DCTN4: variants seen among roughly 807,000 people sequenced by gnomAD.
The protein encoded by DCTN4 is dynactin subunit 4.
DCTN4 carries 23 observed loss-of-function variants against 62.7 expected under a neutral mutation model. The observed-to-expected ratio is 0.37, with a 90% CI of 0.26 to 0.52. The LOEUF (loss-of-function observed/expected upper bound fraction) is 0.52. DCTN4 is among the 20% of genes least tolerant of loss of function. The probability of loss-of-function intolerance (pLI) is 0.92; values close to 1 mark genes in which losing one functional copy is unlikely to be tolerated. For missense variants in DCTN4, 514 were observed against 580.4 expected, an observed-to-expected ratio of 0.89 and a Z score of 1.18; for synonymous variants, 199 against 202.1, an observed-to-expected ratio of 0.98 and a Z score of 0.13.
rs763778489 is a variant in DCTN4 at position 150,711,203 on chromosome 5, T to G, written c.1329A>C (p.Glu443Asp). ...RPIEESDQGT[E>D]VIWLTQHVEL... ...CCACATGCTGGGTGAGCCAGATGAC[T>G]TCTGTTCCCTGGTCACTTTCTTCAA... Residue 443 changes from glutamate to aspartate, a missense_variant, in exon 13 of 13, where the codon GAA becomes GAC. By Grantham distance (45) the Glu-to-Asp change is conservative (BLOSUM62 2). Transcript: ENST00000447998. 6.2e-7 allele frequency: 1 copy of G among 1,612,576 alleles called. No individual in the cohort carries two copies. The highest frequency in any genetic ancestry group is 8.5e-7 in the Non-Finnish European group (1 of 1,180,032).
chr5:150,750,957 T>A (rs1287966880), intron 3 of DCTN4, among the ~76,000 whole-genome samples: 1 of 152,178 alleles, frequency 6.6e-6, no homozygotes, highest in Non-Finnish European at 1.5e-5. Context: ...CATTGTATCC[T>A]CTTGCAAGAA....
chr5:150,757,474 A>G (rs926687189), intron 1 of DCTN4, among the ~76,000 whole-genome samples: 5 of 152,166 alleles, frequency 3.3e-5, no homozygotes, highest in African/African-American at 7.2e-5. Flanking sequence ...TCACAGGTAC[A>G]CATCAGGCTG....
At chr5:150,724,220 T>C (rs1437324276) in intron 8 of DCTN4, among the ~76,000 whole-genome samples, 1 of 152,206 alleles carries the variant, frequency 6.6e-6, no homozygotes, top group African/African-American at 2.4e-5. Flanking sequence ...TTTCCCTGAT[T>C]AGTGTATAAA....
rs369757132 is a variant in DCTN4, at chr5:150,737,808, A to G, written c.429+4306T>C. Among the ~76,000 whole-genome samples, 15 of 152,280 alleles carry G rather than the reference A, an allele frequency of 9.9e-5. No homozygotes were observed. The East Asian group carries it at 2.1e-3, about 22-fold the overall frequency. On this transcript the variant is annotated intron_variant, in intron 4 of 12. Coordinates refer to ENST00000447998, the MANE Select transcript of DCTN4 (RefSeq NM_016221.4). Reference sequence around the variant, plus strand: ...ATGAAACTGAAACAAAAGAGACAATAAAAAAGATAAATGAAACGAAAAGCT... The same window carrying G: ...ATGAAACTGAAACAAAAGAGACAATGAAAAAGATAAATGAAACGAAAAGCT...
At chr5:150,729,928 T>A (rs1351661489) in intron 8 of DCTN4, among the ~76,000 whole-genome samples, 2 of 152,050 alleles carry the variant, frequency 1.3e-5, no homozygotes, top group African/African-American at 4.8e-5. Context: ...TGAATCCGAA[T>A]CTACGTAAAC....
chr5:150,725,299 A>G (rs1047582049), intron 8 of DCTN4, among the ~76,000 whole-genome samples: 1 of 151,912 alleles, frequency 6.6e-6, no homozygotes, highest in African/African-American at 2.4e-5. Context: ...CTAAAAGTGA[A>G]GTTGATGAGA....
chr5:150,746,155 T>C (rs1760954235), intron 3 of DCTN4, among the ~76,000 whole-genome samples: 1 of 151,764 alleles, frequency 6.6e-6, no homozygotes, highest in Admixed American at 6.6e-5. Context: ...CAGAGAATAC[T>C]ACAAACACCT....
chr5:150,754,170 T>C (rs1461496882), intron 2 of DCTN4, among the ~76,000 whole-genome samples: 1 of 152,222 alleles, frequency 6.6e-6, no homozygotes, highest in Admixed American at 6.5e-5. Flanking sequence ...TCTCCTTAAA[T>C]GCTACTTTTC....
chr5:150,718,758 G>C (rs1759859935), intron 10 of DCTN4, among the ~76,000 whole-genome samples: 1 of 152,166 alleles, frequency 6.6e-6, no homozygotes, highest in Non-Finnish European at 1.5e-5. Flanking sequence ...AGGCCAGTCA[G>C]ATGCATGAAC....
chr5:150,758,260 G>A (rs1024940223), intron 1 of DCTN4: 4 of 985,562 alleles, frequency 4.1e-6, no homozygotes, highest in Non-Finnish European at 4.8e-6. Flanking sequence ...GCCAGGGAAG[G>A]ACAGCATTGT....
rs375060562 is a variant in DCTN4 at position 150,730,671 on chromosome 5, C to T, written c.794G>A (p.Arg265His). The T allele has an allele frequency of 5.6e-6, 9 of 1,613,764 alleles. No homozygotes were observed. The highest frequency in any genetic ancestry group is 1.7e-5 in the Admixed American group (1 of 59,992). The change falls in exon 8 of 13, where the codon CGC becomes CAC. Residue 265 changes from arginine (R) to histidine (H), a missense_variant. Coordinates refer to ENST00000447998, the MANE Select transcript of DCTN4 (RefSeq NM_016221.4). ...QPVCASQLYP[R>H]HKHLLIKRSL... ...CCGTTTGATCAGAAGATGTTTGTGG[C>T]GAGGATAGAGCTGTGAAGCACAGAC...
At chr5:150,758,417 CCA>C in intron 1 of DCTN4, 1 of 990,430 alleles carries the variant, frequency 1.0e-6, no homozygotes, top group Non-Finnish European at 1.2e-6. Context: ...TGACGAGGGC[CCA>C]GTTTCTGGAC....
At chr5:150,729,750 T>C (rs917398188) in intron 8 of DCTN4, among the ~76,000 whole-genome samples, 3 of 151,842 alleles carry the variant, frequency 2.0e-5, no homozygotes, top group African/African-American at 7.3e-5. Flanking sequence ...GCTTCCAGAG[T>C]AGCTGGGACT....
intron 12 of DCTN4, among the ~76,000 whole-genome samples, chr5:150,715,130 G>T (rs1260948817): frequency 6.9e-6 from 1 of 143,980 alleles, no homozygotes; most frequent in Non-Finnish European, 1.5e-5. Context: ...TATTAGATAT[G>T]AGAGAGTAAA....
chr5:150,721,688 C>T (rs1223260901), intron 9 of DCTN4, among the ~76,000 whole-genome samples: 1 of 152,168 alleles, frequency 6.6e-6, no homozygotes, highest in East Asian at 1.9e-4. Flanking sequence ...ACTTTACTGC[C>T]TCCCTCTATT....
chr5:150,753,441 AT>A, intron 3 of DCTN4, 37 bp downstream of exon 3: 2 of 1,589,480 alleles, frequency 1.3e-6, no homozygotes, highest in Non-Finnish European at 1.7e-6. Context: ...AGCACTGTCA[AT>A]TGTACAAAAT....
At chr5:150,732,136 AAT>A (rs1419388530) in intron 5 of DCTN4, among the ~76,000 whole-genome samples, 4 of 152,150 alleles carry the variant, frequency 2.6e-5, no homozygotes, top group Non-Finnish European at 5.9e-5. Context: ...TGCAAGTGTT[AAT>A]GTTTTTAAAT....
intron 4 of DCTN4, chr5:150,734,400 T>A (rs1760498090): frequency 6.6e-6 from 1 of 152,150 alleles, no homozygotes; most frequent in African/African-American, 2.4e-5. Flanking sequence ...TAACCTTACC[T>A]AGTGCTGAAA....
At chr5:150,744,808 C>A (rs1165421504) in intron 3 of DCTN4, among the ~76,000 whole-genome samples, 2 of 151,982 alleles carry the variant, frequency 1.3e-5, no homozygotes, top group African/African-American at 4.8e-5. Flanking sequence ...CATGGAAAGG[C>A]ACAACCGGTA....
Sources: gnomAD v4.1 joint callset for allele counts (sites outside exome capture counted in the v4.1 genomes callset) on GRCh38, gnomAD v4.1.1 for gene constraint, MANE v1.5 for transcripts, NCBI Gene and HGNC (gene_info 2026-07-23, HGNC 2026-07-21) for gene names.